Variants in ZFHX3 observed in about 807,000 individuals in gnomAD.
ZFHX3 encodes the protein zinc finger homeobox 3, also known as zinc finger homeobox protein 3.
Under a neutral mutation model 279.1 loss-of-function variants are expected in ZFHX3, and 42 were observed. The observed-to-expected ratio is 0.15, with a 90% confidence interval of 0.12 to 0.19. The LOEUF is 0.19. Ranked by LOEUF, ZFHX3 falls within the 10% of genes least tolerant of loss-of-function variation. ZFHX3 has a pLI of 1.00. For missense variants in ZFHX3, 4,981 were observed against 4,754.0 expected, an observed-to-expected ratio of 1.05 and a Z score of -1.40; for synonymous variants, 2,293 against 1,957.8, an observed-to-expected ratio of 1.17 and a Z score of -4.52.
chr16:73,594,950 G>T (rs2052033981), intron 2 of ZFHX3, among the ~76,000 whole-genome samples: 2 of 152,206 alleles, frequency 1.3e-5, no homozygotes, highest in African/African-American at 4.8e-5. Flanking sequence ...TATAACTCAG[G>T]TATGGCCCCA....
intron 1 of ZFHX3, among the ~76,000 whole-genome samples, chr16:73,036,502 G>C (rs1246353494): frequency 6.6e-6 from 1 of 152,100 alleles, no homozygotes; most frequent in African/African-American, 2.4e-5. Context: ...TCTATGATAC[G>C]CTTCCACTTC....
In ZFHX3 at chr16:73,072,124, G is replaced by A. The variant is rs533524291; in HGVS notation, c.-532-13112C>T. On this transcript the variant is annotated intron_variant, in intron 8 of 17. Coordinates refer to the ZFHX3 transcript ENST00000641206. ...TCTACCTGGAGGGCATGAGTACTTC[G>A]ATGGGTATGTTCACCACTGGGTTGG... is the stretch of plus-strand genomic sequence containing the variant. 1.7e-4 allele frequency among the ~76,000 whole-genome samples: 26 copies of A among 152,306 alleles called. No homozygotes were observed. The South Asian group carries it at 3.7e-3, about 22-fold the overall frequency.
intron 1 of ZFHX3, among the ~76,000 whole-genome samples, chr16:73,748,826 C>T (rs893729254): frequency 1.4e-4 from 21 of 152,028 alleles, no homozygotes; most frequent in African/African-American, 4.1e-4. Context: ...TTGCTCTTGT[C>T]GCCCAGGCTG....
chr16:73,515,556 GAA>G lies in ZFHX3; in HGVS notation c.-1546-59300_-1546-59299del, dbSNP rs1462725732. Among the ~76,000 whole-genome samples, 62 of 135,414 alleles carry G rather than the reference GAA, an allele frequency of 4.6e-4. 2 individuals are homozygous for G. The highest frequency in any genetic ancestry group is 2.1e-3 in the African/African-American group (54 of 26,034). The allele number at this position is 135,414 out of a possible 152,430, so 88.8% of individuals were successfully genotyped here. On this transcript the variant is annotated intron_variant, in intron 2 of 17. Transcript: ENST00000641206. ...AGAGAGAGAGAGGAAGAGAGGGAGA[GAA>G]AGAGAGAGAAAGAAAGAAAGAGGGA...
chr16:72,891,171 T>C (rs1176586547), intron 3 of ZFHX3, among the ~76,000 whole-genome samples: 1 of 152,184 alleles, frequency 6.6e-6, no homozygotes, highest in Non-Finnish European at 1.5e-5. Context: ...TATCTCAAAG[T>C]CCCCTGGCTT....
intron 2 of ZFHX3, among the ~76,000 whole-genome samples, chr16:73,488,234 C>T (rs547017690): frequency 1.4e-4 from 22 of 152,252 alleles, no homozygotes; most frequent in Admixed American, 9.8e-4. Flanking sequence ...ATGGTGCCAT[C>T]CTTTAGGGCT....
At chr16:73,056,706 C>A (rs1031214891) in intron 1 of ZFHX3, among the ~76,000 whole-genome samples, 3 of 152,190 alleles carry the variant, frequency 2.0e-5, no homozygotes, top group Non-Finnish European at 2.9e-5. Context: ...GGAGCACCCA[C>A]GCTGCAGATA....
chr16:73,683,205 G>A (rs1403620140), intron 1 of ZFHX3, among the ~76,000 whole-genome samples: 2 of 152,130 alleles, frequency 1.3e-5, no homozygotes, highest in Non-Finnish European at 2.9e-5. Context: ...ATGGGTGAAT[G>A]TACAACTACC....
At chr16:73,087,513 A>G (rs1346117764) in intron 8 of ZFHX3, among the ~76,000 whole-genome samples, 1 of 152,194 alleles carries the variant, frequency 6.6e-6, no homozygotes, top group South Asian at 2.1e-4. Context: ...AAACATCACC[A>G]GTTTTAGATA....
rs560078106 is a variant in ZFHX3, at chr16:73,664,169, G to C, written c.-1547+16011C>G. Among the ~76,000 whole-genome samples, 11 of 152,326 alleles carry C rather than the reference G, an allele frequency of 7.2e-5. No individual in the cohort carries two copies. In the East Asian group the frequency reaches 2.1e-3, roughly 29 times the overall value. On this transcript the variant is annotated intron_variant, in intron 2 of 17. Transcript: ENST00000641206. ...TTTCCAAACTGAACCAGGCACTGCT[G>C]TCACCTAGGAGGGCAACGTAACTTT...
chr16:73,517,500 C>T (rs955163366), intron 2 of ZFHX3, among the ~76,000 whole-genome samples: 2 of 152,192 alleles, frequency 1.3e-5, no homozygotes, highest in African/African-American at 4.8e-5. Flanking sequence ...CTCACTACCC[C>T]AGTTTGAGTT....
At chr16:73,639,252 C>G (rs1052740889) in intron 2 of ZFHX3, among the ~76,000 whole-genome samples, 1 of 152,172 alleles carries the variant, frequency 6.6e-6, no homozygotes, top group Non-Finnish European at 1.5e-5. Context: ...TCTGAATCTG[C>G]AAGTACCAGT....
chr16:73,728,025 C>CG (rs2053536568), intron 1 of ZFHX3, among the ~76,000 whole-genome samples: 1 of 113,524 alleles, frequency 8.8e-6, no homozygotes, highest in Non-Finnish European at 1.8e-5. Context: ...GCCCCCCCCC[C>CG]GCCCCCAATA....
intron 1 of ZFHX3, among the ~76,000 whole-genome samples, chr16:72,972,536 A>G (rs1224295805): frequency 6.6e-6 from 1 of 152,140 alleles, no homozygotes; most frequent in Non-Finnish European, 1.5e-5. Flanking sequence ...GGAACCAACT[A>G]TGCGGCACAA....
At chr16:73,396,551 A>G (rs1184909869) in intron 3 of ZFHX3, among the ~76,000 whole-genome samples, 1 of 152,222 alleles carries the variant, frequency 6.6e-6, no homozygotes, top group Admixed American at 6.5e-5. Context: ...CAGTTCTACA[A>G]GGCTGGAAAG....
At chr16:73,371,471 A>G (rs1597305542) in intron 3 of ZFHX3, among the ~76,000 whole-genome samples, 1 of 151,694 alleles carries the variant, frequency 6.6e-6, no homozygotes, top group Admixed American at 6.6e-5. Context: ...TGCAACCTCC[A>G]CTTCCTGCCA....
intron 2 of ZFHX3, chr16:73,505,008 G>A (rs2019300707): frequency 6.6e-6 from 1 of 151,942 alleles, no homozygotes; most frequent in Non-Finnish European, 1.5e-5. Flanking sequence ...AAGATGAGGG[G>A]GCAATGAGAA....
intron 2 of ZFHX3, among the ~76,000 whole-genome samples, chr16:73,602,003 A>G (rs1470443617): frequency 2.6e-5 from 4 of 152,162 alleles, no homozygotes; most frequent in Non-Finnish European, 5.9e-5. Context: ...GCGGTGGCAT[A>G]TGCCTGTAGT....
chr16:73,115,819 G>A (rs945154889), intron 7 of ZFHX3, among the ~76,000 whole-genome samples: 9 of 151,854 alleles, frequency 5.9e-5, no homozygotes, highest in African/African-American at 2.2e-4. Flanking sequence ...GGGTTGCCTG[G>A]TTCTAAAAGG....
Sources: allele counts gnomAD v4.1 joint callset (sites outside exome capture counted in the v4.1 genomes callset), GRCh38; gene constraint gnomAD v4.1.1; transcripts MANE v1.5; gene names NCBI Gene and HGNC (gene_info 2026-07-23, HGNC 2026-07-21).